The following RER1 variants were observed in gnomAD, a reference collection of about 807,000 sequenced individuals.
RER1 encodes protein RER1.
A neutral mutation model predicts 28.3 loss-of-function variants in RER1; 6 were observed. The ratio of observed to expected loss-of-function variants is 0.21; its 90% CI spans 0.12 to 0.42. The LOEUF (loss-of-function observed/expected upper bound fraction) is 0.42. Among genes scored for constraint, RER1 ranks in the 10% least tolerant of loss-of-function variants. RER1 has a pLI of 1.00. For missense variants in RER1, 159 were observed against 252.9 expected (o/e 0.63, Z 2.52); for synonymous variants, 110 against 95.9 (o/e 1.15, Z -0.86).
chr1:2,400,031 GC>G (rs1316201407), intron 4 of RER1, among the ~76,000 whole-genome samples: 1 of 152,226 alleles, frequency 6.6e-6, no homozygotes, highest in Non-Finnish European at 1.5e-5. Context: ...TGTTCCTGGT[GC>G]TTCGTGCTCC....
chr1:2,399,721 C>G (rs576589523), intron 4 of RER1, among the ~76,000 whole-genome samples: 2 of 152,228 alleles, frequency 1.3e-5, no homozygotes, highest in African/African-American at 2.4e-5. Context: ...TGTTTTCCCA[C>G]TTTGCAGATG....
intron 5 of RER1, 95 bp from the exon 6 acceptor site, chr1:2,402,112 C>T (rs944608165): frequency 1.8e-5 from 29 of 1,612,546 alleles, no homozygotes; most frequent in Middle Eastern, 1.6e-4. Context: ...CTTCTGTTTG[C>T]GGGGACGGTC....
At chr1:2,402,672 G>A (rs1310330006) in intron 6 of RER1, among the ~76,000 whole-genome samples, 1 of 152,238 alleles carries the variant, frequency 6.6e-6, no homozygotes, top group African/African-American at 2.4e-5. Flanking sequence ...GGAGGAGGGT[G>A]TTAGGGGGAA....
intron 6 of RER1, 114 bp downstream of exon 6, chr1:2,402,456 T>G (rs1642880534): frequency 1.1e-5 from 15 of 1,395,776 alleles, no homozygotes; most frequent in Non-Finnish European, 1.4e-5. Flanking sequence ...CTGGTGTGAA[T>G]GTGGAGCTAA....
At chr1:2,399,693 C>T (rs149243989) in intron 4 of RER1, among the ~76,000 whole-genome samples, 179 bp downstream of exon 4, 8 of 152,334 alleles carry the variant, frequency 5.3e-5, no homozygotes, top group South Asian at 4.1e-4. Context: ...CTGACAGCCA[C>T]GAAGTGGGTG....
At chr1:2,399,299 TAAAAC>T (rs545099806) in intron 3 of RER1, 111 bp from the exon 4 acceptor site, 322 of 741,544 alleles carry the variant, frequency 4.3e-4, no homozygotes, top group Non-Finnish European at 6.2e-4. Context: ...AGTTTTGTGT[TAAAAC>T]AAAGTTAGAT....
chr1:2,398,741 T>C (rs537534838), intron 3 of RER1, among the ~76,000 whole-genome samples: 19 of 152,380 alleles, frequency 1.2e-4, no homozygotes, highest in African/African-American at 4.3e-4. Flanking sequence ...TAACGGGATA[T>C]GCTTAATCAT....
intron 5 of RER1, chr1:2,401,974 G>A: frequency 6.9e-7 from 1 of 1,456,918 alleles, no homozygotes; most frequent in Non-Finnish European, 9.1e-7. Flanking sequence ...GTTTTAAGAA[G>A]AATTGTGTCT....
chr1:2,399,663 G>A (rs555617403), intron 4 of RER1, 149 bp downstream of exon 4: 1 of 629,318 alleles, frequency 1.6e-6, no homozygotes, highest in African/African-American at 1.8e-5. Flanking sequence ...TATGTTTGTA[G>A]AATGACTCTT....
In RER1 at chr1:2,397,108, CT is replaced by C. The variant is rs1358713212; in HGVS notation, c.82-5del. 5 of 1,593,812 alleles carry C rather than the reference CT, an allele frequency of 3.1e-6. No homozygotes were observed. The African/African-American group carries it at 5.4e-5, about 17-fold the overall frequency. Reference sequence around the variant, plus strand: ...CTGCTTCATGCTTTTGGACTCTTGTCTTTCTAGATTTATCAGTCCTGGCTAG... The same window carrying C: ...CTGCTTCATGCTTTTGGACTCTTGTCTTCTAGATTTATCAGTCCTGGCTAG... On this transcript the variant is annotated splice_region_variant and splice_polypyrimidine_tract_variant and intron_variant, in intron 2 of 6. Transcript: ENST00000605895.
chr1:2,402,841 G>A lies in RER1; in HGVS notation c.502-194G>A, dbSNP rs189528249. Among the ~76,000 whole-genome samples, 298 of 152,324 alleles carry A rather than the reference G, an allele frequency of 2.0e-3. 1 individual carries two copies. Among genetic ancestry groups the A allele is most frequent in the Non-Finnish European group, 3.7e-3 (249 of 68,030 alleles). Reference sequence around the variant, plus strand: ...GCTCACGAAGCACTGGGATTGATGGGGTTTCAAACCTAGGCCTCGTGGGCT... The same window carrying A: ...GCTCACGAAGCACTGGGATTGATGGAGTTTCAAACCTAGGCCTCGTGGGCT... On this transcript the variant is annotated intron_variant, in intron 6 of 6. Coordinates refer to ENST00000605895, the MANE Select transcript of RER1 (RefSeq NM_007033.5).
intron 3 of RER1, among the ~76,000 whole-genome samples, chr1:2,398,906 T>C (rs976476577): frequency 8.5e-5 from 13 of 152,362 alleles, no homozygotes; most frequent in Admixed American, 3.9e-4. Context: ...TTAACCCTCC[T>C]GGCAGAGTGT....
rs1197449341 is a variant in RER1, at chr1:2,403,064, C to G, written c.531C>G (p.Phe177Leu). The change falls in exon 7 of 7, where the codon TTC becomes TTG. Residue 177 changes from phenylalanine (F) to leucine (L), a missense_variant. Coordinates refer to ENST00000605895, the MANE Select transcript of RER1 (RefSeq NM_007033.5). ...KHMIKYRYIP[F>L]THGKRRYRGK... Reference sequence around the variant, plus strand: ...TGATTAAGTACCGGTACATCCCGTTCACACATGGGAAGAGAAGGTACAGAG... The same window carrying G: ...TGATTAAGTACCGGTACATCCCGTTGACACATGGGAAGAGAAGGTACAGAG... 3 of 1,613,904 alleles carry G rather than the reference C, an allele frequency of 1.9e-6. No homozygotes were observed. In the African/African-American group the frequency reaches 4.0e-5, roughly 22 times the overall value.
chr1:2,402,946 T>TGG, intron 6 of RER1, 89 bp from the exon 7 acceptor site: 1 of 1,045,802 alleles, frequency 9.6e-7, no homozygotes, highest in Non-Finnish European at 1.5e-6. Flanking sequence ...ATAGAAAAGA[T>TGG]GGGGGACCTT....
At chr1:2,399,225 G>A (rs1570080272) in intron 3 of RER1, among the ~76,000 whole-genome samples, 190 bp from the exon 4 acceptor site, 3 of 152,338 alleles carry the variant, frequency 2.0e-5, no homozygotes, top group African/African-American at 4.8e-5. Context: ...TTCCCACAGA[G>A]TATAATTTGA....
intron 1 of RER1, chr1:2,395,505 G>C (rs925435160): frequency 2.3e-6 from 1 of 427,488 alleles, no homozygotes. Flanking sequence ...GGCCAGTGGG[G>C]TGGACAGTCC....
In RER1 at chr1:2,405,237, C is replaced by T. The variant is rs1276493707; in HGVS notation, c.*2113C>T. The T allele has an allele frequency of 3.9e-6, 1 of 253,286 alleles. No individual in the cohort carries two copies. The highest frequency in any genetic ancestry group is 1.1e-4 in the East Asian group (1 of 9,176). 15.7% of individuals were successfully genotyped at this position (253,286 alleles called of 1,614,324 possible). A position where few individuals can be genotyped will look rare whatever the true frequency, so the allele number is the denominator to read the frequency against. ...GTCATCAAGTCCTGGGGGATGTGCT[C>T]TGCCCAGCCGCCCTCGGGGAGAGCA... On this transcript the variant is annotated 3_prime_UTR_variant, in exon 7 of 7. Coordinates refer to ENST00000605895, the MANE Select transcript of RER1 (RefSeq NM_007033.5).
Position 2,405,380 on chromosome 1 carries a change from C to G in RER1, c.*2256C>G, listed in dbSNP as rs1642964879. 11 of 375,158 alleles carry G rather than the reference C, an allele frequency of 2.9e-5. No individual in the cohort carries two copies. Among genetic ancestry groups the G allele is most frequent in the South Asian group, 2.3e-4 (11 of 47,254 alleles). 23.2% of individuals were successfully genotyped at this position (375,158 alleles called of 1,614,324 possible). A position where few individuals can be genotyped will look rare whatever the true frequency, so the allele number is the denominator to read the frequency against. Reference sequence around the variant, plus strand: ...ACTCATTCAGTCCATTGCCTTAACACAAGCCTGATGGGGCTGTTTTCTCAC... The same window carrying G: ...ACTCATTCAGTCCATTGCCTTAACAGAAGCCTGATGGGGCTGTTTTCTCAC... On this transcript the variant is annotated 3_prime_UTR_variant, in exon 7 of 7. Transcript: ENST00000605895.
intron 1 of RER1, among the ~76,000 whole-genome samples, chr1:2,393,738 C>T (rs1393327453): frequency 6.6e-6 from 1 of 152,236 alleles, no homozygotes; most frequent in Non-Finnish European, 1.5e-5. Flanking sequence ...CCAAAGTTCA[C>T]GTTCTTGCTC....
Sources: allele counts gnomAD v4.1 joint callset (sites outside exome capture counted in the v4.1 genomes callset), GRCh38; gene constraint gnomAD v4.1.1; transcripts MANE v1.5; gene names NCBI Gene and HGNC (gene_info 2026-07-23, HGNC 2026-07-21).